Variants in IPCEF1 observed in about 807,000 individuals in gnomAD.
IPCEF1 encodes the protein interaction protein for cytohesin exchange factors 1.
A neutral mutation model predicts 50.9 loss-of-function variants in IPCEF1; 31 were observed. The ratio of observed to expected loss-of-function variants is 0.61; its 90% CI spans 0.46 to 0.82. The LOEUF (loss-of-function observed/expected upper bound fraction) is 0.82. Ranked by LOEUF, IPCEF1 falls within the 40% of genes least tolerant of loss-of-function variation. The probability of loss-of-function intolerance (pLI) is 0.00; values close to 1 mark genes in which losing one functional copy is unlikely to be tolerated. For missense variants in IPCEF1, 458 were observed against 514.0 expected (o/e 0.89, Z 1.05); for synonymous variants, 181 against 192.0 (o/e 0.94, Z 0.47).
chr6:154,163,038 AC>A (rs1799150965), intron 11 of IPCEF1, among the ~76,000 whole-genome samples: 1 of 152,086 alleles, frequency 6.6e-6, no homozygotes, highest in African/African-American at 2.4e-5. Flanking sequence ...TCCTTCTACC[AC>A]ACCCAATCCA....
At chr6:154,313,920 T>A (rs71567975) in intron 1 of IPCEF1, among the ~76,000 whole-genome samples, 4,143 of 152,028 alleles carry the variant, frequency 0.027, 92 homozygotes, top group Non-Finnish European at 0.042. Context: ...ATTTTTTTTT[T>A]AATTTCTTGT....
At chr6:154,324,599 G>C (rs943818022) in intron 1 of IPCEF1, among the ~76,000 whole-genome samples, 4 of 151,690 alleles carry the variant, frequency 2.6e-5, no homozygotes, top group African/African-American at 7.3e-5. Context: ...CCTGAGGTCA[G>C]GAGTTTGAGA....
At chr6:154,247,697 A>T (rs554761358) in intron 3 of IPCEF1, 269 of 461,646 alleles carry the variant, frequency 5.8e-4, no homozygotes, top group Non-Finnish European at 8.9e-4. Flanking sequence ...CTGAAAAAAA[A>T]AAAAAGTCAC....
intron 1 of IPCEF1, among the ~76,000 whole-genome samples, chr6:154,326,253 T>C (rs1783516808): frequency 6.6e-6 from 1 of 150,860 alleles, no homozygotes; most frequent in Non-Finnish European, 1.5e-5. Flanking sequence ...AAAAAAGCTG[T>C]TAACATTGTT....
intron 11 of IPCEF1, among the ~76,000 whole-genome samples, chr6:154,167,123 C>T (rs1362053481): frequency 6.6e-6 from 1 of 152,124 alleles, no homozygotes; most frequent in Non-Finnish European, 1.5e-5. Context: ...TGCCAAAGGC[C>T]ACAGACAAAA....
intron 7 of IPCEF1, among the ~76,000 whole-genome samples, chr6:154,215,127 G>T (rs1018850385): frequency 6.6e-6 from 1 of 152,112 alleles, no homozygotes; most frequent in Non-Finnish European, 1.5e-5. Flanking sequence ...ATTCGTCTAT[G>T]CTTTTGATGT....
intron 5 of IPCEF1, among the ~76,000 whole-genome samples, chr6:154,238,609 G>T (rs1176819470): frequency 6.6e-6 from 1 of 151,940 alleles, no homozygotes; most frequent in African/African-American, 2.4e-5. Context: ...CTGTGTGTTT[G>T]CTTCCATGTC....
chr6:154,286,147 C>A (rs1782353821), intron 2 of IPCEF1, among the ~76,000 whole-genome samples: 1 of 152,120 alleles, frequency 6.6e-6, no homozygotes, highest in South Asian at 2.1e-4. Context: ...CCACTACACA[C>A]CCTTGAACCA....
At chr6:154,276,107 C>T (rs577361318) in intron 2 of IPCEF1, among the ~76,000 whole-genome samples, 7 of 152,072 alleles carry the variant, frequency 4.6e-5, no homozygotes, top group African/African-American at 1.4e-4. Context: ...TCGCTTGAAC[C>T]TGGGAGGTGG....
At chr6:154,255,106 TA>T (rs1781430586) in intron 3 of IPCEF1, among the ~76,000 whole-genome samples, 1 of 152,206 alleles carries the variant, frequency 6.6e-6, no homozygotes, top group Admixed American at 6.5e-5. Context: ...TGATTTAAGT[TA>T]TTATTTCTCA....
In IPCEF1 at chr6:154,168,155, T is replaced by G. The variant is rs1799582638; in HGVS notation, c.911-42A>C. 1.4e-6 allele frequency: 2 copies of G among 1,451,306 alleles called. No individual in the cohort carries two copies. Among genetic ancestry groups the G allele is most frequent in the South Asian group, 2.8e-5 (2 of 70,212 alleles). The allele number at this position is 1,451,306 out of a possible 1,614,324, so 89.9% of individuals were successfully genotyped here. On this transcript the variant is annotated intron_variant, in intron 10 of 11. Transcript: ENST00000367220. The surrounding 1 kb of genome is among the most constrained non-coding windows in gnomAD (Gnocchi z 4.1). ...AAGAAAGCAGTAACAATAAACCCAG[T>G]GAAAAATCAAGGAGAGAACATTCAA...
At chr6:154,281,350 C>T (rs1782206526) in intron 2 of IPCEF1, among the ~76,000 whole-genome samples, 1 of 150,482 alleles carries the variant, frequency 6.6e-6, no homozygotes, top group Non-Finnish European at 1.5e-5. Context: ...AAGACCTCAT[C>T]TCGAAAAAAA....
At chr6:154,295,607 C>T (rs776329778) in intron 1 of IPCEF1, among the ~76,000 whole-genome samples, 6 of 152,242 alleles carry the variant, frequency 3.9e-5, no homozygotes, top group Non-Finnish European at 7.3e-5. Flanking sequence ...GATCTGCTGC[C>T]TCTTCCCACA....
chr6:154,303,645 G>A (rs902457908), intron 1 of IPCEF1, among the ~76,000 whole-genome samples: 1 of 152,162 alleles, frequency 6.6e-6, no homozygotes, highest in Non-Finnish European at 1.5e-5. Context: ...CTCCTGGCTA[G>A]GCACAGTGGC....
chr6:154,226,313 T>A (rs1208266069), intron 5 of IPCEF1, among the ~76,000 whole-genome samples: 1 of 152,206 alleles, frequency 6.6e-6, no homozygotes, highest in Non-Finnish European at 1.5e-5. Flanking sequence ...GATTTCCAAC[T>A]GCCTAGTAAG....
At chr6:154,234,788 T>G (rs182991906) in intron 5 of IPCEF1, among the ~76,000 whole-genome samples, 3 of 152,346 alleles carry the variant, frequency 2.0e-5, no homozygotes, top group Admixed American at 2.0e-4. Flanking sequence ...AAGTTACTAG[T>G]GAACTTTCAG....
chr6:154,333,268 G>A (rs760501625), intron 1 of IPCEF1, among the ~76,000 whole-genome samples: 23 of 151,876 alleles, frequency 1.5e-4, no homozygotes, highest in Admixed American at 4.6e-4. Flanking sequence ...ATTAACAATT[G>A]AGTCAGTGAG....
At chr6:154,224,621 G>A in intron 5 of IPCEF1, among the ~76,000 whole-genome samples, 1 of 152,118 alleles carries the variant, frequency 6.6e-6, no homozygotes, top group Non-Finnish European at 1.5e-5. Context: ...TGAGGCAGGA[G>A]GTTAGCTTGA....
chr6:154,265,697 G>T (rs1781737979), intron 3 of IPCEF1, among the ~76,000 whole-genome samples: 1 of 152,096 alleles, frequency 6.6e-6, no homozygotes, highest in Non-Finnish European at 1.5e-5. Flanking sequence ...TAAAACCATG[G>T]TATGCAGCTT....
Sources: allele counts gnomAD v4.1 joint callset (sites outside exome capture counted in the v4.1 genomes callset), GRCh38; gene constraint gnomAD v4.1.1; non-coding constraint Gnocchi (gnomAD v3.1); transcripts MANE v1.5; gene names NCBI Gene and HGNC (gene_info 2026-07-23, HGNC 2026-07-21).